Variants in ZMIZ1 observed in about 807,000 individuals in gnomAD.
The protein encoded by ZMIZ1 is zinc finger MIZ-type containing 1.
A neutral mutation model predicts 113.9 loss-of-function variants in ZMIZ1; 17 were observed. The observed-to-expected ratio is 0.15, with a 90% CI of 0.10 to 0.22. ZMIZ1 has a LOEUF of 0.22. Ranked by LOEUF, ZMIZ1 falls within the 10% of genes least tolerant of loss-of-function variation. The pLI, the probability that ZMIZ1 is intolerant of heterozygous loss-of-function variation, is 1.00. For synonymous variants in ZMIZ1, 607 were observed against 603.1 expected (o/e 1.01, Z -0.09); for missense variants, 1,059 against 1,477.8 (o/e 0.72, Z 4.65).
intron 6 of ZMIZ1, among the ~76,000 whole-genome samples, chr10:79,210,189 G>A (rs914153847): frequency 4.6e-5 from 7 of 152,148 alleles, no homozygotes; most frequent in Admixed American, 6.5e-5. Flanking sequence ...CTTGTGTGAC[G>A]TGTGTCCAGC....
intron 5 of ZMIZ1, among the ~76,000 whole-genome samples, chr10:79,204,735 A>C (rs997413135): frequency 4.6e-5 from 7 of 152,182 alleles, no homozygotes; most frequent in African/African-American, 1.7e-4. Context: ...GATACATAAG[A>C]GAATGGATGG....
intron 7 of ZMIZ1, among the ~76,000 whole-genome samples, chr10:79,276,053 C>T (rs538600011): frequency 1.3e-5 from 2 of 152,322 alleles, no homozygotes; most frequent in African/African-American, 4.8e-5. Context: ...TCACTCCCAG[C>T]AGGAGTAGGA....
chr10:79,254,290 C>T (rs1457122880), intron 7 of ZMIZ1, among the ~76,000 whole-genome samples: 1 of 152,238 alleles, frequency 6.6e-6, no homozygotes, highest in Non-Finnish European at 1.5e-5. Flanking sequence ...CCAAGTGGAC[C>T]TGCAGGGTAC....
chr10:79,311,425 C>T (rs1349555620), intron 24 of ZMIZ1, among the ~76,000 whole-genome samples: 1 of 152,184 alleles, frequency 6.6e-6, no homozygotes, highest in South Asian at 2.1e-4. Flanking sequence ...GCCCTGAACC[C>T]CAGCCCTGAC....
Position 79,097,065 on chromosome 10 carries a change from A to G in ZMIZ1, c.-336-21850A>G, listed in dbSNP as rs76760956. ...CCGGCAGGGGCAGAGCAGCTGAAAC[A>G]CGGTGGGCACCATGCATATCTTCCA... On this transcript the variant is annotated intron_variant, in intron 1 of 24. Transcript: ENST00000334512. 1.3e-4 allele frequency among the ~76,000 whole-genome samples: 20 copies of G among 152,256 alleles called. No homozygotes were observed. In the East Asian group the frequency reaches 3.9e-3, roughly 29 times the overall value.
At chr10:79,256,002 G>A (rs939278058) in intron 7 of ZMIZ1, among the ~76,000 whole-genome samples, 12 of 152,300 alleles carry the variant, frequency 7.9e-5, no homozygotes, top group African/African-American at 2.9e-4. Flanking sequence ...AGGGATGGGG[G>A]GAATGCGGGT....
chr10:79,196,935 G>A (rs565383305), intron 4 of ZMIZ1, among the ~76,000 whole-genome samples: 1 of 152,334 alleles, frequency 6.6e-6, no homozygotes, highest in African/African-American at 2.4e-5. Flanking sequence ...GGACACCTGG[G>A]TGCTCACTGG....
chr10:79,262,910 A>G lies in ZMIZ1; in HGVS notation c.281-14271A>G, dbSNP rs373162368. On this transcript the variant is annotated intron_variant, in intron 7 of 24. Coordinates refer to ENST00000334512, the MANE Select transcript of ZMIZ1 (RefSeq NM_020338.4). ...GGCATATGTGATTTCCAGGGCTGTC[A>G]AGCCTCCATACTCTGGGTTTCTCGG... is the stretch of plus-strand genomic sequence containing the variant. Among the ~76,000 whole-genome samples the G allele has an allele frequency of 3.8e-3, 573 of 152,336 alleles. 2 individuals carry two copies. Among genetic ancestry groups the G allele is most frequent in the African/African-American group, 4.7e-3 (194 of 41,578 alleles).
At chr10:79,304,255 C>G (rs1021704285) in intron 19 of ZMIZ1, 80 bp downstream of exon 19, 45 of 1,540,534 alleles carry the variant, frequency 2.9e-5, no homozygotes, top group Middle Eastern at 1.7e-4. Flanking sequence ...AGAGGGGCAA[C>G]AGAGCCTGTC....
chr10:79,155,764 C>T (rs1163174010), intron 3 of ZMIZ1, among the ~76,000 whole-genome samples: 1 of 152,266 alleles, frequency 6.6e-6, no homozygotes, highest in Non-Finnish European at 1.5e-5. Context: ...CAGCTGCGCC[C>T]TGCTCACTGA....
At chr10:79,180,174 C>T (rs180691426) in intron 4 of ZMIZ1, among the ~76,000 whole-genome samples, 36 of 152,296 alleles carry the variant, frequency 2.4e-4, no homozygotes, top group South Asian at 1.0e-3. Flanking sequence ...GGACAGCCCT[C>T]AGGGGGCCTC....
chr10:79,237,540 C>G (rs1328387581), intron 7 of ZMIZ1, among the ~76,000 whole-genome samples: 1 of 152,170 alleles, frequency 6.6e-6, no homozygotes, highest in Non-Finnish European at 1.5e-5. Context: ...AGGTTCTCTC[C>G]TCGCTTCTGG....
At chr10:79,216,318 G>A in intron 7 of ZMIZ1, 44 bp downstream of exon 7, 1 of 1,527,940 alleles carries the variant, frequency 6.5e-7, no homozygotes, top group Non-Finnish European at 8.9e-7. Context: ...GGGAGGTGGG[G>A]AGGGGAACTG....
intron 4 of ZMIZ1, among the ~76,000 whole-genome samples, chr10:79,165,705 C>T (rs1395977579): frequency 6.6e-6 from 1 of 152,168 alleles, no homozygotes; most frequent in Non-Finnish European, 1.5e-5. Flanking sequence ...TTCGGACCTG[C>T]CCTCCCACAG....
chr10:79,305,859 C>T (rs907853775), intron 21 of ZMIZ1, among the ~76,000 whole-genome samples: 14 of 152,210 alleles, frequency 9.2e-5, no homozygotes, highest in Non-Finnish European at 1.3e-4. Flanking sequence ...CTGCTCCCCA[C>T]GAGGGAGCCC....
intron 8 of ZMIZ1, among the ~76,000 whole-genome samples, chr10:79,282,639 T>G (rs554864211): frequency 6.6e-6 from 1 of 152,344 alleles, no homozygotes; most frequent in East Asian, 1.9e-4. Flanking sequence ...AGCAAGACCC[T>G]TGACCTCTTG....
chr10:79,309,899 G>T (rs1435978610), intron 23 of ZMIZ1, among the ~76,000 whole-genome samples: 1 of 152,190 alleles, frequency 6.6e-6, no homozygotes, highest in Non-Finnish European at 1.5e-5. Context: ...TGGGGCTGGG[G>T]GCTGTCAGGG....
intron 7 of ZMIZ1, among the ~76,000 whole-genome samples, chr10:79,216,599 A>G (rs1409733832): frequency 2.0e-5 from 3 of 152,176 alleles, no homozygotes; most frequent in African/African-American, 7.2e-5. Flanking sequence ...CCCTTGGCAT[A>G]AGCACTGTGA....
intron 3 of ZMIZ1, among the ~76,000 whole-genome samples, chr10:79,150,721 G>T (rs1395405322): frequency 2.0e-5 from 3 of 152,146 alleles, no homozygotes; most frequent in African/African-American, 4.8e-5. Flanking sequence ...GCCAGGCTTG[G>T]GGGGTGATAA....
Sources: allele counts gnomAD v4.1 joint callset (sites outside exome capture counted in the v4.1 genomes callset), GRCh38; gene constraint gnomAD v4.1.1; transcripts MANE v1.5; gene names NCBI Gene and HGNC (gene_info 2026-07-23, HGNC 2026-07-21).